Variants in BCO2 observed in about 807,000 individuals in gnomAD.
The protein encoded by BCO2 is carotenoid-cleaving dioxygenase, mitochondrial.
In BCO2, 56 loss-of-function variants were observed where a neutral mutation model predicts 65.8. That is an observed-to-expected ratio of 0.85 (90% confidence interval 0.69 to 1.06). The LOEUF (loss-of-function observed/expected upper bound fraction) is 1.06, where lower values mean the gene tolerates loss of function less well. Ranked by LOEUF, BCO2 falls within the 50% of genes least tolerant of loss-of-function variation. The pLI, the probability that BCO2 is intolerant of heterozygous loss-of-function variation, is 0.00. For missense variants in BCO2, 675 were observed against 698.5 expected, an observed-to-expected ratio of 0.97 and a Z score of 0.38; for synonymous variants, 233 against 242.3, an observed-to-expected ratio of 0.96 and a Z score of 0.36.
At chr11:112,204,034 A>G (rs963039895) in intron 8 of BCO2, among the ~76,000 whole-genome samples, 1 of 152,076 alleles carries the variant, frequency 6.6e-6, no homozygotes, top group Non-Finnish European at 1.5e-5. Context: ...TTGTATTTTT[A>G]GTAGAGACCA....
At chr11:112,207,397 C>T (rs1972421) in intron 8 of BCO2, among the ~76,000 whole-genome samples, 57,557 of 151,946 alleles carry the variant, frequency 0.38, 11,256 homozygotes, top group South Asian at 0.6. Context: ...ATGACTTATA[C>T]GTTGTACATC....
intron 8 of BCO2, among the ~76,000 whole-genome samples, chr11:112,211,609 G>A (rs1185875297): frequency 5.3e-5 from 8 of 151,904 alleles, no homozygotes; most frequent in Non-Finnish European, 8.8e-5. Flanking sequence ...AGTTCTTCAC[G>A]TTTTTACCAA....
At chr11:112,199,565 C>T (rs753595263) in intron 5 of BCO2, 134 bp from the exon 6 acceptor site, 37 of 701,792 alleles carry the variant, frequency 5.3e-5, no homozygotes, top group Non-Finnish European at 8.1e-5. Flanking sequence ...TTTGAAATAA[C>T]CCTTCAGGAA....
In BCO2 at chr11:112,199,698, G is replaced by A. The variant is rs1487448683; in HGVS notation, c.737-1G>A. ...GTAAGATAGGACTTTTCATTTTTCA[G>A]GTTTCTCCTATAAGGTTATTCGGGT... On this transcript the variant is annotated splice_acceptor_variant, in intron 5 of 11. Transcript: ENST00000357685. LOFTEE classifies it high-confidence loss of function. 5 of 1,612,740 alleles carry A rather than the reference G, an allele frequency of 3.1e-6. No individual in the cohort carries two copies. Among genetic ancestry groups the A allele is most frequent in the Non-Finnish European group, 4.2e-6 (5 of 1,179,274 alleles).
At chr11:112,196,754 C>G (rs1228982565) in intron 5 of BCO2, among the ~76,000 whole-genome samples, 1 of 152,144 alleles carries the variant, frequency 6.6e-6, no homozygotes. Flanking sequence ...ACAAAATTAA[C>G]TTGTCAAAAA....
chr11:112,176,346 T>G (rs1408323968), intron 1 of BCO2: 2 of 152,152 alleles, frequency 1.3e-5, no homozygotes, highest in African/African-American at 4.8e-5. Context: ...ATGAGAGCTA[T>G]AAACAGATGC....
intron 4 of BCO2, 37 bp downstream of exon 4, chr11:112,194,031 C>T (rs1161222962): frequency 2.7e-6 from 3 of 1,103,564 alleles, no homozygotes; most frequent in Non-Finnish European, 4.2e-6. Context: ...TAAAATAGAT[C>T]CTAACATTTC....
intron 7 of BCO2, 76 bp downstream of exon 7, chr11:112,200,849 A>T (rs1019693505): frequency 5.4e-6 from 8 of 1,484,824 alleles, no homozygotes; most frequent in South Asian, 2.4e-5. Context: ...GATTTTTTAA[A>T]AATCTTCCCT....
intron 2 of BCO2, chr11:112,182,834 C>T (rs1342481581): frequency 4.0e-6 from 2 of 499,060 alleles, no homozygotes; most frequent in East Asian, 3.6e-5. Context: ...CACATGTACC[C>T]TAGAACTTAT....
At chr11:112,192,674 TTTC>T (rs1175278468) in intron 2 of BCO2, among the ~76,000 whole-genome samples, 2 of 141,912 alleles carry the variant, frequency 1.4e-5, no homozygotes, top group South Asian at 2.2e-4. Flanking sequence ...TTTTTCTTTC[TTTC>T]TTTTTTTTTT....
chr11:112,210,605 T>C (rs1169008690), intron 8 of BCO2, among the ~76,000 whole-genome samples: 2 of 152,128 alleles, frequency 1.3e-5, no homozygotes, highest in African/African-American at 4.8e-5. Flanking sequence ...CCCTTCTCTT[T>C]AAGGTTAAGG....
Position 112,175,703 on chromosome 11 carries a change from C to G in BCO2, c.88+14C>G, listed in dbSNP as rs750561934. 9 of 1,603,270 alleles carry G rather than the reference C, an allele frequency of 5.6e-6. No homozygotes were observed. The highest frequency in any genetic ancestry group is 6.8e-6 in the Non-Finnish European group (8 of 1,170,144). ...ACCGGCTCCCAGGTAGAGGGTTTGC[C>G]CCTTTCTCTTCCTCATCCTCCTCTT... On this transcript the variant is annotated intron_variant, in intron 1 of 11. Transcript: ENST00000357685.
intron 4 of BCO2, 165 bp from the exon 5 acceptor site, chr11:112,194,488 C>CT (rs575040034): frequency 4.0e-4 from 218 of 541,818 alleles, no homozygotes; most frequent in South Asian, 5.3e-4. Flanking sequence ...ATCTTGATTT[C>CT]TTTTTTTTAG....
At chr11:112,216,696 C>T (rs896711397) in intron 11 of BCO2, among the ~76,000 whole-genome samples, 10 of 152,204 alleles carry the variant, frequency 6.6e-5, no homozygotes, top group African/African-American at 2.4e-4. Flanking sequence ...AAATCCAAGT[C>T]TTTTGACTTC....
intron 5 of BCO2, among the ~76,000 whole-genome samples, chr11:112,198,495 C>T (rs907589759): frequency 6.6e-6 from 1 of 151,836 alleles, no homozygotes; most frequent in East Asian, 1.9e-4. Context: ...AAGAACTGTA[C>T]TGGAAAGCAG....
In BCO2 at chr11:112,193,484, T is replaced by C. The variant is rs751116884; in HGVS notation, c.304T>C (p.Trp102Arg). ...FEFGKDKYNH[W>R]FDGMALLHQF... The stretch of plus-strand genomic sequence containing the variant: ...TTCTCCTGTTTGAAGGTACAATCAT[T>C]GGTTTGATGGGATGGCGCTGCTTCA... The change falls in exon 3 of 12, where the codon TGG becomes CGG. Residue 102 changes from tryptophan (W) to arginine (R), a missense_variant. Trp to Arg is a moderately radical substitution (Grantham distance 101). Coordinates refer to ENST00000357685, the MANE Select transcript of BCO2 (RefSeq NM_031938.7). The C allele has an allele frequency of 6.2e-7, 1 of 1,614,066 alleles. No individual in the cohort carries two copies. The highest frequency in any genetic ancestry group is 1.1e-5 in the South Asian group (1 of 91,058).
intron 2 of BCO2, among the ~76,000 whole-genome samples, chr11:112,184,849 A>T (rs1202802127): frequency 6.6e-6 from 1 of 152,150 alleles, no homozygotes; most frequent in Non-Finnish European, 1.5e-5. Context: ...TGAATTCTAC[A>T]GACTCATCAA....
intron 2 of BCO2, among the ~76,000 whole-genome samples, chr11:112,193,258 G>A (rs1247418910): frequency 1.3e-5 from 2 of 151,966 alleles, no homozygotes; most frequent in African/African-American, 4.8e-5. Flanking sequence ...GATTACAGGC[G>A]TGAGCCACCG....
chr11:112,194,204 C>T (rs1657505493), intron 4 of BCO2: 4 of 516,800 alleles, frequency 7.7e-6, no homozygotes, highest in Admixed American at 6.4e-5. Flanking sequence ...CTTCCTTAGT[C>T]CTAATATCTG....
Sources: gnomAD v4.1 joint callset for allele counts (sites outside exome capture counted in the v4.1 genomes callset) on GRCh38, gnomAD v4.1.1 for gene constraint, MANE v1.5 for transcripts, NCBI Gene and HGNC (gene_info 2026-07-23, HGNC 2026-07-21) for gene names.